KCNQ3: variants seen among roughly 807,000 people sequenced by gnomAD.
KCNQ3 encodes the protein potassium voltage-gated channel subfamily KQT member 3.
A neutral mutation model predicts 92.5 loss-of-function variants in KCNQ3; 30 were observed. The observed-to-expected ratio is 0.32, with a 90% CI of 0.24 to 0.44. KCNQ3 has a LOEUF of 0.44. KCNQ3 is among the 20% of genes least tolerant of loss of function. KCNQ3 has a pLI of 1.00. For synonymous variants in KCNQ3, 450 were observed against 468.8 expected (o/e 0.96, Z 0.52); for missense variants, 913 against 1,140.3 (o/e 0.80, Z 2.87).
chr8:132,260,890 A>G (rs908429630), intron 1 of KCNQ3, among the ~76,000 whole-genome samples: 4 of 152,126 alleles, frequency 2.6e-5, no homozygotes, highest in African/African-American at 4.8e-5. Context: ...TCATCCATCC[A>G]TCCATCCAAT....
At chr8:132,380,689 A>C (rs1239268778) in intron 1 of KCNQ3, among the ~76,000 whole-genome samples, 14 of 136,980 alleles carry the variant, frequency 1.0e-4, no homozygotes. Flanking sequence ...CCTCCCTCCC[A>C]GGGAGTCAGT....
chr8:132,203,937 C>T (rs576326793), intron 1 of KCNQ3, among the ~76,000 whole-genome samples: 4 of 152,252 alleles, frequency 2.6e-5, no homozygotes, highest in East Asian at 1.9e-4. Flanking sequence ...ATTTGGATTT[C>T]GTCAAACATA....
At chr8:132,408,783 T>C (rs1820568650) in intron 1 of KCNQ3, among the ~76,000 whole-genome samples, 1 of 152,164 alleles carries the variant, frequency 6.6e-6, no homozygotes, top group African/African-American at 2.4e-5. Context: ...CAAAGGGCAC[T>C]AGGCAGCTAG....
chr8:132,442,069 C>A (rs1204647806), intron 1 of KCNQ3, among the ~76,000 whole-genome samples: 1 of 152,130 alleles, frequency 6.6e-6, no homozygotes, highest in Non-Finnish European at 1.5e-5. Context: ...ACACTGCGGT[C>A]TTTCAGAGGG....
At chr8:132,141,995 T>C (rs766346342) in intron 9 of KCNQ3, among the ~76,000 whole-genome samples, 6 of 152,240 alleles carry the variant, frequency 3.9e-5, no homozygotes, top group Non-Finnish European at 7.3e-5. Context: ...TAATTTTATA[T>C]CCTGTTATTT....
At chr8:132,254,911 A>G (rs1221218624) in intron 1 of KCNQ3, among the ~76,000 whole-genome samples, 2 of 152,166 alleles carry the variant, frequency 1.3e-5, no homozygotes, top group African/African-American at 2.4e-5. Flanking sequence ...CTGGTTCAGC[A>G]ATGGTGAAGT....
chr8:132,381,143 G>A (rs188908362), intron 1 of KCNQ3, among the ~76,000 whole-genome samples: 8 of 152,270 alleles, frequency 5.3e-5, no homozygotes, highest in South Asian at 2.1e-4. Flanking sequence ...AGGTTGGTCC[G>A]TTATCCATAA....
Position 132,219,499 on chromosome 8 carries a change from C to T in KCNQ3, c.387-33318G>A, listed in dbSNP as rs571400433. Among the ~76,000 whole-genome samples, 28 of 152,274 alleles carry T rather than the reference C, an allele frequency of 1.8e-4. 1 individual carries two copies. The South Asian group carries it at 4.1e-3, about 23-fold the overall frequency. On this transcript the variant is annotated intron_variant, in intron 1 of 14. Transcript: ENST00000388996. ...CTGGCTAGCTACCTTCTTCTCTACC[C>T]GCTCTCTGTCCCTGGGACATCATAC...
chr8:132,430,236 G>C (rs1821213180), intron 1 of KCNQ3, among the ~76,000 whole-genome samples: 1 of 152,166 alleles, frequency 6.6e-6, no homozygotes, highest in Non-Finnish European at 1.5e-5. Context: ...GTTTAACAAA[G>C]ACTAGCCTCG....
At chr8:132,140,595 G>A (rs758319092) in intron 10 of KCNQ3, 5 of 243,532 alleles carry the variant, frequency 2.1e-5, no homozygotes, top group South Asian at 1.3e-4. Flanking sequence ...TTTCTGAGCC[G>A]CACACATCAG....
intron 1 of KCNQ3, among the ~76,000 whole-genome samples, chr8:132,228,370 T>TGAGA (rs143844678): frequency 7.1e-4 from 106 of 148,862 alleles, no homozygotes; most frequent in Middle Eastern, 6.9e-3. Flanking sequence ...ACTGAGTTAT[T>TGAGA]GAGAGAGAGA....
chr8:132,158,843 C>A (rs1332815320), intron 9 of KCNQ3, among the ~76,000 whole-genome samples: 4 of 152,148 alleles, frequency 2.6e-5, no homozygotes, highest in Non-Finnish European at 4.4e-5. Context: ...GAATGATTCT[C>A]TACTAAATTT....
chr8:132,364,998 C>T (rs1819279297), intron 1 of KCNQ3, among the ~76,000 whole-genome samples: 1 of 152,056 alleles, frequency 6.6e-6, no homozygotes, highest in South Asian at 2.1e-4. Context: ...CTCCTATTGT[C>T]CACCTTCATC....
chr8:132,208,965 C>A (rs1225554912), intron 1 of KCNQ3, among the ~76,000 whole-genome samples: 4 of 152,072 alleles, frequency 2.6e-5, no homozygotes, highest in African/African-American at 9.7e-5. Context: ...AAGCAGGGAG[C>A]ATTTTGGCCT....
At chr8:132,271,868 G>C (rs189519425) in intron 1 of KCNQ3, among the ~76,000 whole-genome samples, 36 of 152,308 alleles carry the variant, frequency 2.4e-4, no homozygotes, top group Admixed American at 1.4e-3. Flanking sequence ...CAGCAGGCTT[G>C]AGATTGGAAT....
intron 1 of KCNQ3, among the ~76,000 whole-genome samples, chr8:132,297,872 T>G (rs1817093698): frequency 1.3e-5 from 2 of 152,232 alleles, no homozygotes; most frequent in Non-Finnish European, 2.9e-5. Context: ...ACAGTGCATC[T>G]TAAAGGAGAG....
chr8:132,174,452 G>A, intron 5 of KCNQ3, 103 bp from the exon 6 acceptor site: 2 of 870,156 alleles, frequency 2.3e-6, no homozygotes, highest in Non-Finnish European at 3.8e-6. Context: ...CTTGGGCAAT[G>A]CTCCCATTCA....
intron 1 of KCNQ3, among the ~76,000 whole-genome samples, chr8:132,426,946 A>G (rs1218803653): frequency 6.6e-6 from 1 of 152,186 alleles, no homozygotes; most frequent in African/African-American, 2.4e-5. Flanking sequence ...ATGTGTTATT[A>G]TTATTAACTA....
In KCNQ3 at chr8:132,437,489, G is replaced by A. The variant is rs544813760; in HGVS notation, c.386+42658C>T. 7.9e-4 allele frequency among the ~76,000 whole-genome samples: 120 copies of A among 152,190 alleles called. 4 individuals carry two copies. The South Asian group carries it at 0.024, about 31-fold the overall frequency. On this transcript the variant is annotated intron_variant, in intron 1 of 14. Transcript: ENST00000388996. The stretch of plus-strand genomic sequence containing the variant: ...ATGTGCCTGTTCTTTGAAAAGCTAA[G>A]TGTCTATTTCTAACATTTAATGTAT...
Sources: gnomAD v4.1 joint callset for allele counts (sites outside exome capture counted in the v4.1 genomes callset) on GRCh38, gnomAD v4.1.1 for gene constraint, MANE v1.5 for transcripts, NCBI Gene and HGNC (gene_info 2026-07-23, HGNC 2026-07-21) for gene names.